Variants in CSNK1E observed in about 807,000 individuals in gnomAD.
CSNK1E encodes the protein casein kinase 1 epsilon.
In CSNK1E, 17 loss-of-function variants were observed where a neutral mutation model predicts 46.1. That is an observed-to-expected ratio of 0.37 (90% CI 0.25 to 0.55). The LOEUF is 0.55. Ranked by LOEUF, CSNK1E falls within the 20% of genes least tolerant of loss-of-function variation. The probability of loss-of-function intolerance (pLI) is 0.82; values close to 1 mark genes in which losing one functional copy is unlikely to be tolerated. For synonymous variants in CSNK1E, 241 were observed against 242.6 expected (o/e 0.99, Z 0.06); for missense variants, 386 against 595.4 (o/e 0.65, Z 3.66).
chr22:38,294,808 G>A lies in CSNK1E; in HGVS notation c.886-274C>T, dbSNP rs1307564572. ...TCTCCTGGGATGGAGCCAGAGAAAG[G>A]ACAACTAATGCGCCCAGGATGATCA... On this transcript the variant is annotated intron_variant, in intron 7 of 10. Transcript: ENST00000396832. The surrounding 1 kb of genome is among the most constrained non-coding windows in gnomAD (Gnocchi z 5.5). Among the ~76,000 whole-genome samples the A allele has an allele frequency of 7.2e-5, 11 of 152,198 alleles. No homozygotes were observed. The highest frequency in any genetic ancestry group is 2.4e-4 in the African/African-American group (10 of 41,440).
At position 38,314,077 on chromosome 22, in the gene CSNK1E, C is replaced by G. The variant is rs1469181626; in HGVS notation, c.76+5G>C. The stretch of plus-strand genomic sequence containing the variant: ...GGGGCTCCAGCTGGAGCTAGGAACA[C>G]TTACCCAGGTAGATATCTCCGAAGG... On this transcript the variant is annotated splice_donor_5th_base_variant and intron_variant, in intron 2 of 10. Transcript: ENST00000396832. 1.9e-6 allele frequency: 3 copies of G among 1,613,812 alleles called. No individual in the cohort carries two copies. The highest frequency in any genetic ancestry group is 2.5e-6 in the Non-Finnish European group (3 of 1,179,768).
At chr22:38,306,487 C>T (rs1164201564) in intron 2 of CSNK1E, among the ~76,000 whole-genome samples, 1 of 152,134 alleles carries the variant, frequency 6.6e-6, no homozygotes, top group Non-Finnish European at 1.5e-5. Flanking sequence ...AATCCCAGCA[C>T]TTTGAGAGGC....
At chr22:38,296,496 C>A in intron 7 of CSNK1E, 1 of 1,576,800 alleles carries the variant, frequency 6.3e-7, no homozygotes, top group Non-Finnish European at 8.6e-7. Context: ...TGCATGTTTT[C>A]CAGGTGCTTC....
Position 38,314,090 on chromosome 22 carries a change from A to G in CSNK1E, c.68T>C (p.Ile23Thr), listed in dbSNP as rs1569084268. The change falls in exon 2 of 11, where the codon ATC (isoleucine) becomes ACC (threonine). Residue 23 changes from isoleucine (I) to threonine (T), a missense_variant. Physicochemically the swap from Ile to Thr is moderately conservative, Grantham distance 89. This residue lies in a region of CSNK1E where 212 missense variants were observed against 410.2 expected (regional missense o/e 0.52). Coordinates refer to ENST00000396832, the MANE Select transcript of CSNK1E (RefSeq NM_152221.3). The stretch of plus-strand genomic sequence containing the variant: ...GAGCTAGGAACACTTACCCAGGTAG[A>G]TATCTCCGAAGGACCCGCTCCCGAT... Reference protein sequence around the residue: ...RKIGSGSFGDIYLGANIASGE... With the variant: ...RKIGSGSFGDTYLGANIASGE... 1.2e-6 allele frequency: 2 copies of G among 1,613,858 alleles called. No homozygotes were observed. Among genetic ancestry groups the G allele is most frequent in the Non-Finnish European group, 8.5e-7 (1 of 1,179,874 alleles).
chr22:38,293,323 T>C lies in CSNK1E; in HGVS notation c.1219-4A>G. 2 of 1,608,788 alleles carry C rather than the reference T, an allele frequency of 1.2e-6. No homozygotes were observed. The highest frequency in any genetic ancestry group is 1.7e-6 in the Non-Finnish European group (2 of 1,176,754). On this transcript the variant is annotated splice_polypyrimidine_tract_variant and splice_region_variant and intron_variant, in intron 9 of 10. Coordinates refer to ENST00000396832, the MANE Select transcript of CSNK1E (RefSeq NM_152221.3). Reference sequence around the variant, plus strand: ...GATGGTCAAATGGCACACTTGTCTTTTGAGGGTGGGGAGGGAGAGAGGGGG... The same window carrying C: ...GATGGTCAAATGGCACACTTGTCTTCTGAGGGTGGGGAGGGAGAGAGGGGG...
chr22:38,313,950 T>C (rs2069230563), intron 2 of CSNK1E, 132 bp downstream of exon 2: 1 of 795,938 alleles, frequency 1.3e-6, no homozygotes, highest in Non-Finnish European at 2.0e-6. Flanking sequence ...CTTCCCCATC[T>C]GGGATGGCCC....
At chr22:38,310,707 C>T (rs1050796425) in intron 2 of CSNK1E, among the ~76,000 whole-genome samples, 1 of 152,212 alleles carries the variant, frequency 6.6e-6, no homozygotes, top group Non-Finnish European at 1.5e-5. Flanking sequence ...CTTAACAAAG[C>T]AGGCCCCACT....
rs555583032 is a variant in CSNK1E, at chr22:38,309,807, G to A, written c.76+4275C>T. 3.7e-4 allele frequency among the ~76,000 whole-genome samples: 57 copies of A among 152,274 alleles called. No homozygotes were observed. Among genetic ancestry groups the A allele is most frequent in the Admixed American group, 2.6e-4 (4 of 15,294 alleles). Reference sequence around the variant, plus strand: ...GAAAAACAGACACCAAAGGTCAAATGATCATATGCTACAAACTTCCCAGGG... The same window carrying A: ...GAAAAACAGACACCAAAGGTCAAATAATCATATGCTACAAACTTCCCAGGG... On this transcript the variant is annotated intron_variant, in intron 2 of 10. Coordinates refer to ENST00000396832, the MANE Select transcript of CSNK1E (RefSeq NM_152221.3). The surrounding 1 kb of genome is among the most constrained non-coding windows in gnomAD (Gnocchi z 4.8).
Position 38,303,090 on chromosome 22 carries a change from G to A in CSNK1E, c.187+48C>T. 3 of 1,597,584 alleles carry A rather than the reference G, an allele frequency of 1.9e-6. No individual in the cohort carries two copies. The highest frequency in any genetic ancestry group is 1.1e-5 in the South Asian group (1 of 90,028). ...CCCGGCCCACCCTGTGCTCATGGCTGCCCACCGCCACCCACCCGGCGCCCG... is the reference window on the plus strand; with the variant it reads ...CCCGGCCCACCCTGTGCTCATGGCTACCCACCGCCACCCACCCGGCGCCCG... On this transcript the variant is annotated intron_variant, in intron 3 of 10. Transcript: ENST00000396832. The surrounding 1 kb of genome is among the most constrained non-coding windows in gnomAD (Gnocchi z 4.7).
intron 7 of CSNK1E, chr22:38,297,560 C>T (rs748905186): frequency 1.0e-4 from 101 of 1,006,768 alleles, no homozygotes; most frequent in Non-Finnish European, 1.1e-4. Context: ...AACCATCTAG[C>T]AGGGTGGCTG....
chr22:38,296,335 C>T, intron 7 of CSNK1E: 1 of 1,347,702 alleles, frequency 7.4e-7, no homozygotes, highest in Non-Finnish European at 9.5e-7. Flanking sequence ...CTGACTGGAC[C>T]TCGGAACACA....
At chr22:38,311,485 T>C (rs970279389) in intron 2 of CSNK1E, among the ~76,000 whole-genome samples, 1 of 152,182 alleles carries the variant, frequency 6.6e-6, no homozygotes, top group African/African-American at 2.4e-5. Context: ...CATGGGCCTG[T>C]CTCCTGTCTG....
intron 2 of CSNK1E, among the ~76,000 whole-genome samples, chr22:38,304,655 A>G (rs2092690039): frequency 6.6e-6 from 1 of 152,188 alleles, no homozygotes; most frequent in Admixed American, 6.5e-5. Context: ...GCTTCACACA[A>G]TGACCCTGGT....
rs144876312 is a variant in CSNK1E, at chr22:38,309,612, G to A, written c.76+4470C>T. Among the ~76,000 whole-genome samples the A allele has an allele frequency of 9.9e-5, 15 of 152,048 alleles. No individual in the cohort carries two copies. In the East Asian group the frequency reaches 2.1e-3, roughly 22 times the overall value. On this transcript the variant is annotated intron_variant, in intron 2 of 10. Transcript: ENST00000396832. This position sits in a 1 kb window ranked among gnomAD's most constrained non-coding sequence, Gnocchi z 4.8. ...TGGGATTACAAGCAGACACCACCACGCCTGGCTAATTTTTGTATTATTAGT... is the reference window on the plus strand; with the variant it reads ...TGGGATTACAAGCAGACACCACCACACCTGGCTAATTTTTGTATTATTAGT...
chr22:38,308,829 A>C (rs2092709410), intron 2 of CSNK1E, among the ~76,000 whole-genome samples: 1 of 152,104 alleles, frequency 6.6e-6, no homozygotes. Flanking sequence ...GCACAAGCAG[A>C]GGCCCAACAG....
chr22:38,295,518 ATG>A (rs1171097534), intron 7 of CSNK1E: 1 of 269,112 alleles, frequency 3.7e-6, no homozygotes. Flanking sequence ...CCTGCAACCC[ATG>A]TCTCTCCCAG....
intron 7 of CSNK1E, chr22:38,296,352 G>A (rs1385611494): frequency 1.2e-5 from 16 of 1,379,716 alleles, no homozygotes; most frequent in Non-Finnish European, 1.5e-5. Flanking sequence ...CACAGTGGCT[G>A]TATGTGCTGA....
At position 38,291,880 on chromosome 22, in the gene CSNK1E, T is replaced by G. The variant is rs2092612448; in HGVS notation, c.*91A>C. 1 of 144,328 alleles carries G rather than the reference T, an allele frequency of 6.9e-6. No individual in the cohort carries two copies. Among genetic ancestry groups the G allele is most frequent in the Admixed American group, 7.2e-5 (1 of 13,968 alleles). The allele number at this position is 144,328 out of a possible 1,614,324, so 8.9% of individuals were successfully genotyped here. On this transcript the variant is annotated 3_prime_UTR_variant, in exon 11 of 11. Coordinates refer to ENST00000396832, the MANE Select transcript of CSNK1E (RefSeq NM_152221.3). ...TGGGTTTTTTTGTTGTTCTTTTGAGTGGTTTATTTTTGCCTTTTTTTTTTT... is the reference window on the plus strand; with the variant it reads ...TGGGTTTTTTTGTTGTTCTTTTGAGGGGTTTATTTTTGCCTTTTTTTTTTT...
In CSNK1E at chr22:38,298,621, G is replaced by T. The variant is rs2092654113; in HGVS notation, c.885+165C>A. On this transcript the variant is annotated intron_variant, in intron 7 of 10. Coordinates refer to ENST00000396832, the MANE Select transcript of CSNK1E (RefSeq NM_152221.3). The surrounding 1 kb of genome is among the most constrained non-coding windows in gnomAD (Gnocchi z 4.2). ...CATGGTGGCACAAGCTGTCAGCACG[G>T]ATGAGGCTGGAGGGCTCTGGGACCC... The T allele has an allele frequency of 1.3e-6, 1 of 761,998 alleles. No individual in the cohort carries two copies. The highest frequency in any genetic ancestry group is 2.1e-6 in the Non-Finnish European group (1 of 465,748). 47.2% of individuals were successfully genotyped at this position (761,998 alleles called of 1,614,324 possible). A position where few individuals can be genotyped will look rare whatever the true frequency, so the allele number is the denominator to read the frequency against.
Sources: gnomAD v4.1 joint callset for allele counts (sites outside exome capture counted in the v4.1 genomes callset) on GRCh38, gnomAD v4.1.1 for gene constraint, gnomAD v4.1.1 regional missense constraint, Gnocchi (gnomAD v3.1) non-coding constraint, MANE v1.5 for transcripts, NCBI Gene and HGNC (gene_info 2026-07-23, HGNC 2026-07-21) for gene names.